The following ZRANB3 variants were observed in gnomAD, a reference collection of about 807,000 sequenced individuals.
ZRANB3 encodes zinc finger RANBP2-type containing 3, also known as DNA annealing helicase and endonuclease ZRANB3.
Under a neutral mutation model 133.8 loss-of-function variants are expected in ZRANB3, and 125 were observed. That is an observed-to-expected ratio of 0.93 (90% CI 0.81 to 1.08). The LOEUF (loss-of-function observed/expected upper bound fraction) is 1.08, where lower values mean the gene tolerates loss of function less well. Ranked by LOEUF, ZRANB3 falls within the 50% of genes least tolerant of loss-of-function variation. ZRANB3 has a pLI of 0.00. For synonymous variants in ZRANB3, 387 were observed against 432.7 expected (o/e 0.89, Z 1.31); for missense variants, 1,229 against 1,275.5 (o/e 0.96, Z 0.56).
chr2:135,402,599 T>A (rs1180240932), intron 2 of ZRANB3, among the ~76,000 whole-genome samples: 1 of 151,936 alleles, frequency 6.6e-6, no homozygotes, highest in Non-Finnish European at 1.5e-5. Flanking sequence ...CAGACTTTTT[T>A]TTTTTTAAGA....
At chr2:135,290,498 G>C (rs973340451) in intron 8 of ZRANB3, among the ~76,000 whole-genome samples, 24 of 152,178 alleles carry the variant, frequency 1.6e-4, no homozygotes, top group African/African-American at 5.8e-4. Flanking sequence ...TTATGTGTTA[G>C]GTGAGTCTCC....
chr2:135,344,941 A>G (rs1684848919), intron 6 of ZRANB3, among the ~76,000 whole-genome samples: 1 of 152,208 alleles, frequency 6.6e-6, no homozygotes, highest in South Asian at 2.1e-4. Flanking sequence ...TATCTTCAGA[A>G]GGATACACAA....
Position 135,220,726 on chromosome 2 carries a change from G to T in ZRANB3, c.2251-1548C>A, listed in dbSNP as rs868744747. Among the ~76,000 whole-genome samples, 435 of 149,898 alleles carry T rather than the reference G, an allele frequency of 2.9e-3. 3 individuals are homozygous for T. Among genetic ancestry groups the T allele is most frequent in the African/African-American group, 9.9e-3 (404 of 40,728 alleles). ...AAAAAAAAAAAAAAAAAATTGATAT[G>T]TAATTCTAAACCCTGATATAGACTT... On this transcript the variant is annotated intron_variant, in intron 15 of 20. Transcript: ENST00000264159.
At chr2:135,333,952 TA>T (rs546077565) in intron 6 of ZRANB3, among the ~76,000 whole-genome samples, 19 of 152,294 alleles carry the variant, frequency 1.2e-4, no homozygotes, top group Non-Finnish European at 2.4e-4. Flanking sequence ...TACTGATAAC[TA>T]AAAACCAAAC....
intron 8 of ZRANB3, among the ~76,000 whole-genome samples, chr2:135,287,670 CTTTT>C (rs59739293): frequency 7.1e-5 from 7 of 98,052 alleles, no homozygotes; most frequent in African/African-American, 1.8e-4. Flanking sequence ...TATTTCTTTC[CTTTT>C]TTTTTTTTTT....
intron 8 of ZRANB3, among the ~76,000 whole-genome samples, chr2:135,309,700 C>T (rs928267971): frequency 3.9e-5 from 6 of 152,002 alleles, no homozygotes; most frequent in Non-Finnish European, 8.8e-5. Flanking sequence ...AACTAGAGAA[C>T]ATTGTGGGGA....
intron 2 of ZRANB3, among the ~76,000 whole-genome samples, chr2:135,485,185 A>AACAT (rs60574406): frequency 1.9e-3 from 232 of 121,688 alleles, no homozygotes; most frequent in Middle Eastern, 9.8e-3. Flanking sequence ...AAACAAAACA[A>AACAT]AACATAACAT....
At chr2:135,297,606 C>T (rs1037131985) in intron 8 of ZRANB3, among the ~76,000 whole-genome samples, 1 of 152,214 alleles carries the variant, frequency 6.6e-6, no homozygotes, top group Non-Finnish European at 1.5e-5. Context: ...TCCAGCACTA[C>T]CCAGTGAGAT....
intron 1 of ZRANB3, among the ~76,000 whole-genome samples, chr2:135,529,775 A>C (rs898503264): frequency 6.6e-6 from 1 of 150,640 alleles, no homozygotes; most frequent in East Asian, 2.0e-4. Flanking sequence ...TCGGCCTCCC[A>C]AAGTGCTAGG....
chr2:135,384,625 C>T lies in ZRANB3; in HGVS notation c.180+6177G>A, dbSNP rs544226612. Reference sequence around the variant, plus strand: ...TACTGGCAAACCGAATCCAGCAGCACATCAAAAAGCTTATCCACCATGATC... The same window carrying T: ...TACTGGCAAACCGAATCCAGCAGCATATCAAAAAGCTTATCCACCATGATC... On this transcript the variant is annotated intron_variant, in intron 3 of 20. Coordinates refer to ENST00000264159, the MANE Select transcript of ZRANB3 (RefSeq NM_032143.4). 6.6e-5 allele frequency among the ~76,000 whole-genome samples: 10 copies of T among 152,268 alleles called. 1 individual carries two copies. The highest frequency in any genetic ancestry group is 5.9e-4 in the Admixed American group (9 of 15,290).
chr2:135,437,440 A>G (rs1689596634), intron 2 of ZRANB3, among the ~76,000 whole-genome samples: 1 of 152,210 alleles, frequency 6.6e-6, no homozygotes, highest in Admixed American at 6.5e-5. Context: ...AAGGCAGAAC[A>G]GTAGTTTGGA....
intron 8 of ZRANB3, among the ~76,000 whole-genome samples, chr2:135,285,135 G>A (rs1354863642): frequency 1.3e-5 from 2 of 152,066 alleles, no homozygotes; most frequent in Non-Finnish European, 2.9e-5. Context: ...ATGAGCCACC[G>A]CGCCTGGCAA....
At chr2:135,480,524 G>T (rs1347443674) in intron 2 of ZRANB3, among the ~76,000 whole-genome samples, 1 of 152,000 alleles carries the variant, frequency 6.6e-6, no homozygotes, top group Admixed American at 6.6e-5. Flanking sequence ...GTCATCAAGT[G>T]ATACTTTTAA....
chr2:135,258,931 G>C (rs561582003), intron 12 of ZRANB3, among the ~76,000 whole-genome samples: 5 of 152,120 alleles, frequency 3.3e-5, no homozygotes, highest in African/African-American at 1.2e-4. Flanking sequence ...TTGTATATAC[G>C]AGACATTTTT....
At chr2:135,375,628 T>C (rs911417396) in intron 3 of ZRANB3, among the ~76,000 whole-genome samples, 7 of 150,600 alleles carry the variant, frequency 4.6e-5, no homozygotes, top group African/African-American at 1.7e-4. Flanking sequence ...GAGCTTGCAG[T>C]GAGCCGAGAT....
chr2:135,375,216 T>C (rs1686365998), intron 3 of ZRANB3, among the ~76,000 whole-genome samples: 1 of 152,028 alleles, frequency 6.6e-6, no homozygotes, highest in African/African-American at 2.4e-5. Context: ...GAAGAATGTA[T>C]TGAAGGATTA....
intron 17 of ZRANB3, among the ~76,000 whole-genome samples, chr2:135,212,239 A>T (rs1002321417): frequency 1.8e-4 from 27 of 152,184 alleles, no homozygotes; most frequent in African/African-American, 6.5e-4. Context: ...GAGTTCTTTT[A>T]CTTGCCCTTT....
intron 2 of ZRANB3, among the ~76,000 whole-genome samples, chr2:135,432,000 C>T (rs902800410): frequency 1.3e-5 from 2 of 152,164 alleles, no homozygotes; most frequent in Non-Finnish European, 2.9e-5. Context: ...CCTGTAATCC[C>T]AGCACTTTGG....
chr2:135,326,726 C>G (rs2104841108), intron 6 of ZRANB3, among the ~76,000 whole-genome samples: 1 of 151,662 alleles, frequency 6.6e-6, no homozygotes, highest in Middle Eastern at 3.4e-3. Flanking sequence ...ACGGTGAAAC[C>G]CCATCTCTAA....
Sources: allele counts gnomAD v4.1 joint callset (sites outside exome capture counted in the v4.1 genomes callset), GRCh38; gene constraint gnomAD v4.1.1; transcripts MANE v1.5; gene names NCBI Gene and HGNC (gene_info 2026-07-23, HGNC 2026-07-21).